Variants in LMX1A observed in about 807,000 individuals in gnomAD.
LMX1A encodes the protein LIM homeobox transcription factor 1-alpha.
In LMX1A, 15 loss-of-function variants were observed where a neutral mutation model predicts 49.1. The observed-to-expected ratio is 0.31, with a 90% CI of 0.20 to 0.47. LMX1A has a LOEUF of 0.47. Among genes scored for constraint, LMX1A ranks in the 20% least tolerant of loss-of-function variants. The probability of loss-of-function intolerance (pLI) is 1.00; values close to 1 mark genes in which losing one functional copy is unlikely to be tolerated. For synonymous variants in LMX1A, 167 were observed against 185.7 expected, an observed-to-expected ratio of 0.90 and a Z score of 0.82; for missense variants, 372 against 475.8, an observed-to-expected ratio of 0.78 and a Z score of 2.03.
At chr1:165,248,384 G>A (rs944665370) in intron 4 of LMX1A, among the ~76,000 whole-genome samples, 9 of 152,190 alleles carry the variant, frequency 5.9e-5, no homozygotes, top group Admixed American at 5.9e-4. Flanking sequence ...ATTGGCAATG[G>A]CAAGAACTAG....
chr1:165,205,880 G>A lies in LMX1A; in HGVS notation c.972C>T (p.Asp324=). The A allele has an allele frequency of 6.2e-7, 1 of 1,614,000 alleles. No homozygotes were observed. Among genetic ancestry groups the A allele is most frequent in the Non-Finnish European group, 8.5e-7 (1 of 1,179,994 alleles). Residue 324 remains aspartate (D), a synonymous_variant, in exon 8 of 9, where the codon GAC becomes GAT. Coordinates refer to ENST00000342310, the MANE Select transcript of LMX1A (RefSeq NM_177398.4). ...QGLTPPQMPG[D]HMHPYGAEPL... ...CCCTCTTACCATAAGGGTGCATGTGGTCTCCAGGCATCTGGGGTGGGGTGA... is the reference window on the plus strand; with the variant it reads ...CCCTCTTACCATAAGGGTGCATGTGATCTCCAGGCATCTGGGGTGGGGTGA...
At chr1:165,347,045 C>T (rs899636383) in intron 3 of LMX1A, among the ~76,000 whole-genome samples, 7 of 152,094 alleles carry the variant, frequency 4.6e-5, no homozygotes, top group East Asian at 1.9e-4. Context: ...TCAATGATAA[C>T]GTAACTAATT....
chr1:165,352,441 G>C (rs1311288279), intron 3 of LMX1A, among the ~76,000 whole-genome samples: 1 of 152,188 alleles, frequency 6.6e-6, no homozygotes, highest in Admixed American at 6.5e-5. Flanking sequence ...CCCTGCATCC[G>C]AGGGTTCTGC....
At chr1:165,292,045 G>C (rs910459105) in intron 3 of LMX1A, among the ~76,000 whole-genome samples, 20 of 119,966 alleles carry the variant, frequency 1.7e-4, no homozygotes, top group Admixed American at 1.1e-3. Context: ...CTGGGCGACA[G>C]AGCGAAACTC....
At chr1:165,240,087 G>C (rs1652592952) in intron 4 of LMX1A, among the ~76,000 whole-genome samples, 1 of 152,146 alleles carries the variant, frequency 6.6e-6, no homozygotes, top group African/African-American at 2.4e-5. Context: ...AAATGGAATA[G>C]ACAATATCAG....
intron 2 of LMX1A, among the ~76,000 whole-genome samples, chr1:165,354,734 T>TAAATA (rs145908114): frequency 0.023 from 3,526 of 152,060 alleles, 130 homozygotes; most frequent in African/African-American, 0.079. Context: ...TAAAAATAAA[T>TAAATA]AAATAAAATA....
intron 3 of LMX1A, among the ~76,000 whole-genome samples, chr1:165,275,485 A>G (rs566978637): frequency 6.6e-6 from 1 of 152,274 alleles, no homozygotes; most frequent in Non-Finnish European, 1.5e-5. Context: ...AGGTTTACAT[A>G]CTTCCACGTA....
rs371076828 is a variant in LMX1A at position 165,286,862 on chromosome 1, G to T, written c.264-37222C>A. Among the ~76,000 whole-genome samples, 62 of 152,110 alleles carry T rather than the reference G, an allele frequency of 4.1e-4. No individual in the cohort carries two copies. In the South Asian group the frequency reaches 0.013, roughly 31 times the overall value. On this transcript the variant is annotated intron_variant, in intron 3 of 8. Transcript: ENST00000342310. Reference sequence around the variant, plus strand: ...ACAAGACTGTATCTGGAAATAATTAGAAAAAAGTAAATGATAATATTACCC... The same window carrying T: ...ACAAGACTGTATCTGGAAATAATTATAAAAAAGTAAATGATAATATTACCC...
At chr1:165,278,914 G>C (rs1483877040) in intron 3 of LMX1A, among the ~76,000 whole-genome samples, 1 of 152,186 alleles carries the variant, frequency 6.6e-6, no homozygotes, top group Non-Finnish European at 1.5e-5. Context: ...AAGGGCCATG[G>C]GCTGAGGTTC....
intron 3 of LMX1A, among the ~76,000 whole-genome samples, chr1:165,263,660 G>T (rs538531191): frequency 1.2e-4 from 18 of 152,128 alleles, no homozygotes; most frequent in Non-Finnish European, 2.2e-4. Context: ...CAACACTCAG[G>T]GTTATCCTAC....
chr1:165,325,458 C>T (rs61803173), intron 3 of LMX1A, among the ~76,000 whole-genome samples: 920 of 42,196 alleles, frequency 0.022, 7 homozygotes, highest in Middle Eastern at 0.065. Context: ...TATGTATATA[C>T]ATATGTGTGT....
chr1:165,205,831 T>C, intron 8 of LMX1A, 33 bp downstream of exon 8: 3 of 1,606,448 alleles, frequency 1.9e-6, no homozygotes, highest in Non-Finnish European at 2.6e-6. Context: ...ACACAAGTTA[T>C]GAGAGGGCCC....
chr1:165,215,542 C>T (rs1270787606), intron 4 of LMX1A, among the ~76,000 whole-genome samples: 1 of 152,162 alleles, frequency 6.6e-6, no homozygotes, highest in Non-Finnish European at 1.5e-5. Flanking sequence ...TTTTTCTTTC[C>T]TCCTGTCCTC....
intron 3 of LMX1A, among the ~76,000 whole-genome samples, chr1:165,334,229 G>T (rs1265147094): frequency 6.6e-6 from 1 of 152,080 alleles, no homozygotes; most frequent in Non-Finnish European, 1.5e-5. Context: ...AATAGATTGC[G>T]GGATAGATCA....
chr1:165,278,529 G>GA (rs1044387692), intron 3 of LMX1A, among the ~76,000 whole-genome samples: 12 of 151,596 alleles, frequency 7.9e-5, no homozygotes, highest in Non-Finnish European at 1.8e-4. Flanking sequence ...GCTGCCACAA[G>GA]TTTTTTTTTC....
chr1:165,348,307 A>G (rs1028423912), intron 3 of LMX1A, among the ~76,000 whole-genome samples: 1 of 152,198 alleles, frequency 6.6e-6, no homozygotes, highest in African/African-American at 2.4e-5. Context: ...ATCTAATTTT[A>G]TTTCAAAATT....
intron 3 of LMX1A, among the ~76,000 whole-genome samples, chr1:165,291,961 C>T (rs1654481533): frequency 6.8e-6 from 1 of 146,418 alleles, no homozygotes; most frequent in Admixed American, 7.1e-5. Flanking sequence ...ACACGGGAGG[C>T]TGAGGCAGGA....
intron 4 of LMX1A, among the ~76,000 whole-genome samples, chr1:165,223,085 G>A (rs925537280): frequency 9.2e-5 from 14 of 151,768 alleles, no homozygotes; most frequent in South Asian, 4.2e-4. Context: ...GTACAACTCC[G>A]AATACACTAA....
intron 4 of LMX1A, among the ~76,000 whole-genome samples, chr1:165,224,951 A>G (rs1020841259): frequency 2.6e-5 from 4 of 152,252 alleles, no homozygotes; most frequent in Admixed American, 1.3e-4. Context: ...CCATCCAGTT[A>G]TGTTTCAATA....
Sources: allele counts gnomAD v4.1 joint callset (sites outside exome capture counted in the v4.1 genomes callset), GRCh38; gene constraint gnomAD v4.1.1; transcripts MANE v1.5; gene names NCBI Gene and HGNC (gene_info 2026-07-23, HGNC 2026-07-21).